The following GPSM2 variants were observed in gnomAD, a reference collection of about 807,000 sequenced individuals.
GPSM2 encodes G protein-signaling modulator 2.
In GPSM2, 58 loss-of-function variants were observed where a neutral mutation model predicts 78.4. The ratio of observed to expected loss-of-function variants is 0.74; its 90% CI spans 0.60 to 0.92. The LOEUF (loss-of-function observed/expected upper bound fraction) is 0.92. Among genes scored for constraint, GPSM2 ranks in the 40% least tolerant of loss-of-function variants. GPSM2 has a pLI of 0.00. For synonymous variants in GPSM2, 224 were observed against 280.2 expected (o/e 0.80, Z 2.00); for missense variants, 700 against 815.5 (o/e 0.86, Z 1.73).
chr1:108,926,812 C>T (rs1288396313), intron 14 of GPSM2: 2 of 152,062 alleles, frequency 1.3e-5, no homozygotes, highest in African/African-American at 2.4e-5. Context: ...AGATCAGGAA[C>T]GAGATCAGAA....
rs890691437 is a variant in GPSM2 at position 108,918,380 on chromosome 1, T to C, written c.1264-233T>C. Reference sequence around the variant, plus strand: ...ACCTTGCTTTCTTATTCGTAGGTTCTTAAAAACCAGCATTTTAATGTTTTG... The same window carrying C: ...ACCTTGCTTTCTTATTCGTAGGTTCCTAAAAACCAGCATTTTAATGTTTTG... On this transcript the variant is annotated intron_variant, in intron 11 of 14. Coordinates refer to ENST00000264126, the MANE Select transcript of GPSM2 (RefSeq NM_013296.5). 2.0e-5 allele frequency among the ~76,000 whole-genome samples: 3 copies of C among 152,202 alleles called. No homozygotes were observed. The South Asian group carries it at 6.2e-4, about 31-fold the overall frequency.
intron 1 of GPSM2, among the ~76,000 whole-genome samples, chr1:108,883,080 A>G (rs750066913): frequency 3.3e-5 from 5 of 152,208 alleles, no homozygotes; most frequent in Non-Finnish European, 7.3e-5. Flanking sequence ...CTAAAAAAAC[A>G]AAACAACAAC....
chr1:108,887,306 C>T (rs879543167), intron 2 of GPSM2, among the ~76,000 whole-genome samples: 39 of 152,092 alleles, frequency 2.6e-4, no homozygotes, highest in Non-Finnish European at 4.7e-4. Flanking sequence ...CTGTAACAGA[C>T]ACAACTCTCT....
At chr1:108,891,585 A>G (rs529113918) in intron 2 of GPSM2, among the ~76,000 whole-genome samples, 35 of 151,538 alleles carry the variant, frequency 2.3e-4, no homozygotes, top group South Asian at 6.2e-4. Flanking sequence ...CCCTCTGCCT[A>G]CTGGGCTCAA....
chr1:108,928,058 C>T (rs1312336438), intron 14 of GPSM2, among the ~76,000 whole-genome samples: 3 of 152,116 alleles, frequency 2.0e-5, no homozygotes, highest in South Asian at 2.1e-4. Flanking sequence ...ACAACAACAA[C>T]GTAGACAAAT....
chr1:108,879,795 A>G (rs1052378475), intron 1 of GPSM2, among the ~76,000 whole-genome samples: 1 of 152,142 alleles, frequency 6.6e-6, no homozygotes, highest in Non-Finnish European at 1.5e-5. Context: ...AGCCCGGGTG[A>G]CAGATCAAGA....
chr1:108,903,380 A>G, intron 9 of GPSM2, 146 bp downstream of exon 9: 1 of 630,212 alleles, frequency 1.6e-6, no homozygotes, highest in South Asian at 1.8e-5. Context: ...AACCCCAGAA[A>G]GCATTTTGAG....
At position 108,911,513 on chromosome 1, in the gene GPSM2, C is replaced by T. The variant is rs573456384; in HGVS notation, c.1193-2825C>T. ...CTGCACTCTAGCCTGGGCAACACAG[C>T]GAAACTCCATCTCAGAAAAACAAAA... is the stretch of plus-strand genomic sequence containing the variant. On this transcript the variant is annotated intron_variant, in intron 10 of 14. Coordinates refer to ENST00000264126, the MANE Select transcript of GPSM2 (RefSeq NM_013296.5). 3.0e-4 allele frequency among the ~76,000 whole-genome samples: 45 copies of T among 152,062 alleles called. No individual in the cohort carries two copies. The South Asian group carries it at 8.1e-3, about 27-fold the overall frequency.
Position 108,907,028 on chromosome 1 carries a change from G to A in GPSM2, c.1192+2774G>A, listed in dbSNP as rs145292624. Reference sequence around the variant, plus strand: ...AGTTAGTTCCCATCACACCTAGAACGGAATCCTCAGTCCTCACCATGGTTG... The same window carrying A: ...AGTTAGTTCCCATCACACCTAGAACAGAATCCTCAGTCCTCACCATGGTTG... On this transcript the variant is annotated intron_variant, in intron 10 of 14. Coordinates refer to ENST00000264126, the MANE Select transcript of GPSM2 (RefSeq NM_013296.5). 5.0e-3 allele frequency among the ~76,000 whole-genome samples: 754 copies of A among 152,226 alleles called. 7 individuals carry two copies. Among genetic ancestry groups the A allele is most frequent in the Admixed American group, 0.012 (183 of 15,290 alleles).
chr1:108,915,907 A>C (rs1318325643), intron 11 of GPSM2, among the ~76,000 whole-genome samples: 1 of 152,042 alleles, frequency 6.6e-6, no homozygotes, highest in Non-Finnish European at 1.5e-5. Flanking sequence ...TTTCATATGG[A>C]TATTATAGAC....
In GPSM2 at chr1:108,904,648, C is replaced by T. The variant is rs150647513; in HGVS notation, c.1192+394C>T. Among the ~76,000 whole-genome samples, 1,196 of 151,746 alleles carry T rather than the reference C, an allele frequency of 7.9e-3. 8 individuals are homozygous for T. The highest frequency in any genetic ancestry group is 0.013 in the Non-Finnish European group (857 of 67,844). The stretch of plus-strand genomic sequence containing the variant: ...ATCCTTTTTATCTCATATCGTTTTA[C>T]GTATCTGTTTTCTGTTTAGTTCTTT... On this transcript the variant is annotated intron_variant, in intron 10 of 14. Coordinates refer to ENST00000264126, the MANE Select transcript of GPSM2 (RefSeq NM_013296.5).
intron 7 of GPSM2, among the ~76,000 whole-genome samples, chr1:108,899,743 G>A (rs1011367289): frequency 3.3e-5 from 5 of 152,194 alleles, no homozygotes; most frequent in Non-Finnish European, 7.4e-5. Context: ...TGACTAAACC[G>A]AAGACACAGT....
intron 14 of GPSM2, among the ~76,000 whole-genome samples, chr1:108,928,258 T>C (rs1481815200): frequency 1.3e-5 from 2 of 152,182 alleles, no homozygotes; most frequent in East Asian, 1.9e-4. Flanking sequence ...GGCATTTCTA[T>C]AGAGATAACA....
Position 108,931,399 on chromosome 1 carries a change from AG to A in GPSM2, c.*1460del, listed in dbSNP as rs144751975. ...AAGTATGGGACAGACTGGGACCTGG[AG>A]TAACACTGGATCACAGACTGCAAAG... On this transcript the variant is annotated 3_prime_UTR_variant, in exon 15 of 15. Coordinates refer to ENST00000264126, the MANE Select transcript of GPSM2 (RefSeq NM_013296.5). 1,124 of 1,551,188 alleles carry A rather than the reference AG, an allele frequency of 7.2e-4. 11 individuals carry two copies. The African/African-American group carries it at 0.014, about 19-fold the overall frequency.
intron 14 of GPSM2, chr1:108,929,395 T>A: frequency 2.8e-6 from 1 of 362,624 alleles, no homozygotes; most frequent in Non-Finnish European, 5.1e-6. Flanking sequence ...TTGTCTTTTA[T>A]CCTTGTGACC....
chr1:108,928,289 G>A (rs928298208), intron 14 of GPSM2, among the ~76,000 whole-genome samples: 1 of 152,240 alleles, frequency 6.6e-6, no homozygotes, highest in Non-Finnish European at 1.5e-5. Flanking sequence ...ATATGACCAT[G>A]GGAGCCAAAT....
In GPSM2 at chr1:108,898,781, T is replaced by C; in HGVS notation, c.681+16T>C. The C allele has an allele frequency of 1.2e-6, 2 of 1,613,700 alleles. No homozygotes were observed. The highest frequency in any genetic ancestry group is 1.7e-6 in the Non-Finnish European group (2 of 1,179,732). Reference sequence around the variant, plus strand: ...TCATGAGCAGGTACAGTGGAAAGCCTTGGAGCCAGATCATTTCCTCCATCA... The same window carrying C: ...TCATGAGCAGGTACAGTGGAAAGCCCTGGAGCCAGATCATTTCCTCCATCA... On this transcript the variant is annotated intron_variant, in intron 6 of 14. Transcript: ENST00000264126.
chr1:108,886,293 T>C (rs528542706), intron 2 of GPSM2, among the ~76,000 whole-genome samples: 1 of 152,370 alleles, frequency 6.6e-6, no homozygotes, highest in African/African-American at 2.4e-5. Flanking sequence ...ATTATTAAAA[T>C]ACAAACAAGC....
Position 108,893,028 on chromosome 1 carries a change from T to C in GPSM2, c.57-3836T>C, listed in dbSNP as rs1353101253. Among the ~76,000 whole-genome samples the C allele has an allele frequency of 3.3e-5, 5 of 152,214 alleles. No homozygotes were observed. The South Asian group carries it at 8.3e-4, about 25-fold the overall frequency. ...AGCCAGCAAGCTTCCAGTTTGCTAG[T>C]ATTGTTTCTTATGACAATTATGTAA... On this transcript the variant is annotated intron_variant, in intron 2 of 14. Coordinates refer to ENST00000264126, the MANE Select transcript of GPSM2 (RefSeq NM_013296.5).
Sources: gnomAD v4.1 joint callset for allele counts (sites outside exome capture counted in the v4.1 genomes callset) on GRCh38, gnomAD v4.1.1 for gene constraint, MANE v1.5 for transcripts, NCBI Gene and HGNC (gene_info 2026-07-23, HGNC 2026-07-21) for gene names.